CD28: variants seen among roughly 807,000 people sequenced by gnomAD.
The protein encoded by CD28 is CD28 molecule.
CD28 carries 8 observed loss-of-function variants against 21.4 expected under a neutral mutation model. The observed-to-expected ratio is 0.37, with a 90% CI of 0.22 to 0.68. CD28 has a LOEUF of 0.68. CD28 is among the 30% of genes least tolerant of loss of function. The probability of loss-of-function intolerance (pLI) is 0.55; values close to 1 mark genes in which losing one functional copy is unlikely to be tolerated. For missense variants in CD28, 239 were observed against 272.2 expected (o/e 0.88, Z 0.86); for synonymous variants, 106 against 104.0 (o/e 1.02, Z -0.12).
intron 1 of CD28, among the ~76,000 whole-genome samples, chr2:203,718,411 G>A (rs529711828): frequency 2.5e-4 from 38 of 152,310 alleles, no homozygotes; most frequent in African/African-American, 8.9e-4. Flanking sequence ...GCTCTTCTAT[G>A]CCAGGGAAAT....
At chr2:203,713,234 C>A (rs1448448943) in intron 1 of CD28, among the ~76,000 whole-genome samples, 1 of 152,160 alleles carries the variant, frequency 6.6e-6, no homozygotes, top group Admixed American at 6.6e-5. Flanking sequence ...ATTTTCAAGT[C>A]ATTTTGAAGT....
At position 203,737,653 on chromosome 2, in the gene CD28, A is replaced by G. The variant is rs1172868103; in HGVS notation, c.*2741A>G. ...GAGCAATGCTTTCATAGTTTCAGAT[A>G]TGGTAGTTATGAAGAAAACAATGTC... On this transcript the variant is annotated 3_prime_UTR_variant, in exon 4 of 4. Transcript: ENST00000324106. The G allele has an allele frequency of 6.6e-6, 1 of 152,632 alleles. No individual in the cohort carries two copies. Among genetic ancestry groups the G allele is most frequent in the Non-Finnish European group, 1.5e-5 (1 of 68,042 alleles). The allele number at this position is 152,632 out of a possible 1,614,324, so 9.5% of individuals were successfully genotyped here.
Position 203,734,815 on chromosome 2 carries a change from G to C in CD28, c.566G>C (p.Ser189Thr), listed in dbSNP as rs1163038012. 1.9e-6 allele frequency: 3 copies of C among 1,614,074 alleles called. No homozygotes were observed. The highest frequency in any genetic ancestry group is 2.5e-6 in the Non-Finnish European group (3 of 1,180,046). ...AGTAAGAGGAGCAGGCTCCTGCACA[G>C]TGACTACATGAACATGACTCCCCGC... is the stretch of plus-strand genomic sequence containing the variant. ...VRSKRSRLLHSDYMNMTPRRP... is the reference protein window; with the variant it reads ...VRSKRSRLLHTDYMNMTPRRP... The change falls in exon 4 of 4, where the codon AGT becomes ACT. Residue 189 changes from serine to threonine, a missense_variant. This residue lies in a region of CD28 where 112 missense variants were observed against 112.8 expected (regional missense o/e 0.99). Coordinates refer to ENST00000324106, the MANE Select transcript of CD28 (RefSeq NM_006139.4).
intron 1 of CD28, among the ~76,000 whole-genome samples, chr2:203,715,849 G>T (rs1222992560): frequency 6.6e-6 from 1 of 152,074 alleles, no homozygotes; most frequent in Non-Finnish European, 1.5e-5. Flanking sequence ...GTAAAACTGA[G>T]CACCAATGCC....
At chr2:203,726,170 C>T (rs1403169220) in intron 1 of CD28, among the ~76,000 whole-genome samples, 1 of 152,102 alleles carries the variant, frequency 6.6e-6, no homozygotes, top group East Asian at 1.9e-4. Flanking sequence ...GAGATTGCAC[C>T]ACTGCACTTC....
intron 1 of CD28, among the ~76,000 whole-genome samples, chr2:203,719,982 C>G (rs765581633): frequency 2.0e-5 from 3 of 152,018 alleles, no homozygotes; most frequent in Admixed American, 2.0e-4. Context: ...TAGGTGTAAA[C>G]GGCAAGAGTT....
intron 1 of CD28, among the ~76,000 whole-genome samples, chr2:203,720,978 CT>C (rs1328481698): frequency 6.6e-6 from 1 of 152,196 alleles, no homozygotes; most frequent in Non-Finnish European, 1.5e-5. Flanking sequence ...CCTATTTAGG[CT>C]TCTCTGAATT....
In CD28 at chr2:203,710,058, C is replaced by T. The variant is rs955422650; in HGVS notation, c.52+3310C>T. ...ATGACTCCCCTGAGCTGGTTGTATA[C>T]GGAAAGAAGTAATTTGTTTCTCACA... On this transcript the variant is annotated intron_variant, in intron 1 of 3. Transcript: ENST00000324106. 5.3e-5 allele frequency among the ~76,000 whole-genome samples: 8 copies of T among 152,260 alleles called. No individual in the cohort carries two copies. The East Asian group carries it at 5.8e-4, about 11-fold the overall frequency.
intron 1 of CD28, among the ~76,000 whole-genome samples, chr2:203,723,620 G>A (rs1465237310): frequency 6.6e-6 from 1 of 152,158 alleles, no homozygotes; most frequent in South Asian, 2.1e-4. Context: ...TAGACCAATG[G>A]CTAATAAGCA....
intron 1 of CD28, among the ~76,000 whole-genome samples, chr2:203,714,862 A>G (rs570997426): frequency 8.4e-4 from 128 of 152,324 alleles, no homozygotes; most frequent in Non-Finnish European, 1.7e-3. Flanking sequence ...GTGCTTAGAA[A>G]TGACTGCTGG....
chr2:203,727,491 T>G (rs984849591), intron 2 of CD28, among the ~76,000 whole-genome samples: 1 of 148,970 alleles, frequency 6.7e-6, no homozygotes, highest in Non-Finnish European at 1.5e-5. Context: ...TCTTTTTCTT[T>G]TTTTTTGAGA....
At chr2:203,709,053 C>T (rs941455862) in intron 1 of CD28, among the ~76,000 whole-genome samples, 3 of 151,042 alleles carry the variant, frequency 2.0e-5, no homozygotes, top group Non-Finnish European at 4.4e-5. Flanking sequence ...ACCCGGGACG[C>T]GGAGGTTGCT....
chr2:203,730,308 A>G (rs1693854944), intron 3 of CD28, among the ~76,000 whole-genome samples: 1 of 152,188 alleles, frequency 6.6e-6, no homozygotes, highest in Non-Finnish European at 1.5e-5. Context: ...TGGTGCTGTC[A>G]TTATGAAACT....
intron 1 of CD28, among the ~76,000 whole-genome samples, chr2:203,714,721 A>C (rs1693419624): frequency 6.6e-6 from 1 of 152,140 alleles, no homozygotes; most frequent in South Asian, 2.1e-4. Flanking sequence ...GGGTCTAACA[A>C]GGCAGCTCAA....
intron 1 of CD28, among the ~76,000 whole-genome samples, chr2:203,724,763 A>T (rs1305148539): frequency 6.6e-6 from 1 of 152,176 alleles, no homozygotes; most frequent in Non-Finnish European, 1.5e-5. Flanking sequence ...CAAAACCAAA[A>T]CAAAACACCT....
At chr2:203,707,740 G>T (rs1370817236) in intron 1 of CD28, among the ~76,000 whole-genome samples, 2 of 152,156 alleles carry the variant, frequency 1.3e-5, no homozygotes, top group Non-Finnish European at 2.9e-5. Context: ...GGATGTACAG[G>T]TGGCAGCTAT....
chr2:203,715,176 A>G (rs1693431399), intron 1 of CD28, among the ~76,000 whole-genome samples: 1 of 152,210 alleles, frequency 6.6e-6, no homozygotes, highest in Non-Finnish European at 1.5e-5. Flanking sequence ...TTAGAAAATA[A>G]TAAATTAATA....
At chr2:203,713,089 TAAAG>T (rs900547547) in intron 1 of CD28, among the ~76,000 whole-genome samples, 1 of 152,176 alleles carries the variant, frequency 6.6e-6, no homozygotes, top group African/African-American at 2.4e-5. Flanking sequence ...GGTGGATTAA[TAAAG>T]AAATTAAACC....
rs928564158 is a variant in CD28 at position 203,738,509 on chromosome 2, G to A, written c.*3597G>A. ...TGTGTTATCTGCAAGGCCATTTGAG[G>A]CTCAGAAAGTCTCTCTTTCCTATAG... On this transcript the variant is annotated 3_prime_UTR_variant, in exon 4 of 4. Coordinates refer to ENST00000324106, the MANE Select transcript of CD28 (RefSeq NM_006139.4). The A allele has an allele frequency of 2.6e-5, 4 of 152,040 alleles. No individual in the cohort carries two copies. The highest frequency in any genetic ancestry group is 9.7e-5 in the African/African-American group (4 of 41,368). 9.4% of individuals were successfully genotyped at this position (152,040 alleles called of 1,614,324 possible). A position where few individuals can be genotyped will look rare whatever the true frequency, so the allele number is the denominator to read the frequency against.
Sources: allele counts gnomAD v4.1 joint callset (sites outside exome capture counted in the v4.1 genomes callset), GRCh38; gene constraint gnomAD v4.1.1; regional missense constraint gnomAD v4.1.1; transcripts MANE v1.5; gene names NCBI Gene and HGNC (gene_info 2026-07-23, HGNC 2026-07-21).